The following CELF1 variants were observed in gnomAD, a reference collection of about 807,000 sequenced individuals.
CELF1 encodes CUGBP Elav-like family member 1.
Under a neutral mutation model 61.8 loss-of-function variants are expected in CELF1, and 10 were observed. That is an observed-to-expected ratio of 0.16 (90% confidence interval 0.10 to 0.27). The LOEUF (loss-of-function observed/expected upper bound fraction) is 0.27. Among genes scored for constraint, CELF1 ranks in the 10% least tolerant of loss-of-function variants. The pLI is 1.00. For synonymous variants in CELF1, 236 were observed against 225.1 expected, an observed-to-expected ratio of 1.05 and a Z score of -0.43; for missense variants, 380 against 639.1, an observed-to-expected ratio of 0.59 and a Z score of 4.37.
At position 47,499,594 on chromosome 11, in the gene CELF1, G is replaced by C; in HGVS notation, c.-71C>G. 8.0e-7 allele frequency: 1 copy of C among 1,255,832 alleles called. No homozygotes were observed. The allele number at this position is 1,255,832 out of a possible 1,614,324, so 77.8% of individuals were successfully genotyped here. A position where few individuals can be genotyped will look rare whatever the true frequency, so the allele number is the denominator to read the frequency against. ...CTTGTCTGATCCACAAATACACACAGCTTTAGCTTCCTGGGCCCCACAAAA... is the reference window on the plus strand; with the variant it reads ...CTTGTCTGATCCACAAATACACACACCTTTAGCTTCCTGGGCCCCACAAAA... On this transcript the variant is annotated 5_prime_UTR_variant, in exon 3 of 15. Transcript: ENST00000687097.
chr11:47,505,936 C>CAAA (rs71457222), intron 1 of CELF1, among the ~76,000 whole-genome samples: 4 of 103,362 alleles, frequency 3.9e-5, no homozygotes, highest in Non-Finnish European at 7.8e-5. Context: ...ACTCTGTCTC[C>CAAA]AAAAAAAAAA....
chr11:47,515,456 G>A (rs558549263), intron 1 of CELF1, among the ~76,000 whole-genome samples: 1 of 152,210 alleles, frequency 6.6e-6, no homozygotes, highest in East Asian at 1.9e-4. Flanking sequence ...TCACTGCCCT[G>A]CCATGAGGCC....
chr11:47,476,678 G>C (rs2080336628), intron 12 of CELF1, among the ~76,000 whole-genome samples, 168 bp downstream of exon 12: 1 of 152,114 alleles, frequency 6.6e-6, no homozygotes, highest in South Asian at 2.1e-4. Context: ...CGCCCACCTT[G>C]ACCTCCCAAA....
intron 1 of CELF1, among the ~76,000 whole-genome samples, chr11:47,520,677 C>T (rs937877502): frequency 6.6e-5 from 10 of 152,074 alleles, no homozygotes; most frequent in African/African-American, 9.7e-5. Context: ...CTGGGCATGG[C>T]GGCATGTGCC....
chr11:47,530,200 A>G (rs1401127019), intron 1 of CELF1, among the ~76,000 whole-genome samples: 2 of 152,212 alleles, frequency 1.3e-5, no homozygotes, highest in East Asian at 3.8e-4. Flanking sequence ...TAACTTTAAA[A>G]TCTTCCACAT....
At position 47,553,117 on chromosome 11, in the gene CELF1, C is replaced by A; in HGVS notation, c.-279G>T. On this transcript the variant is annotated 5_prime_UTR_variant, in exon 1 of 15. Transcript: ENST00000687097. The stretch of plus-strand genomic sequence containing the variant: ...CGCGTCCCGCCGCCGCTGCCGCTGC[C>A]GCCAGAGCAGAACACCCCAAAATGG... 1 of 398,060 alleles carries A rather than the reference C, an allele frequency of 2.5e-6. No individual in the cohort carries two copies. Among genetic ancestry groups the A allele is most frequent in the Admixed American group, 4.4e-5 (1 of 22,662 alleles). 24.7% of individuals were successfully genotyped at this position (398,060 alleles called of 1,614,324 possible). A position where few individuals can be genotyped will look rare whatever the true frequency, so the allele number is the denominator to read the frequency against.
At chr11:47,553,363 G>A (rs994368172), upstream of CELF1, among the ~76,000 whole-genome samples, 3 of 152,156 alleles carry the variant, frequency 2.0e-5, no homozygotes, top group African/African-American at 7.2e-5. Flanking sequence ...CTCAACCTAG[G>A]GAGCTGCAGG....
chr11:47,487,306 C>T, intron 4 of CELF1, 65 bp from the exon 5 acceptor site: 2 of 1,198,764 alleles, frequency 1.7e-6, no homozygotes, highest in South Asian at 2.5e-5. Flanking sequence ...AGCAATCCTT[C>T]CTCCACTGAC....
intron 6 of CELF1, among the ~76,000 whole-genome samples, chr11:47,485,100 A>G (rs2085910539): frequency 6.6e-6 from 1 of 152,228 alleles, no homozygotes; most frequent in Admixed American, 6.5e-5. Flanking sequence ...TCCTCATCTA[A>G]CTAATAGGAA....
At position 47,467,732 on chromosome 11, in the gene CELF1, T is replaced by G. The variant is rs566829188; in HGVS notation, c.*4498A>C. The stretch of plus-strand genomic sequence containing the variant: ...CTCCAGGCCCCCTTCCCACCCTCTC[T>G]GAGCAAAGCAGCCAGCCTCCCGGAA... On this transcript the variant is annotated 3_prime_UTR_variant, in exon 15 of 15. Transcript: ENST00000687097. 6.6e-6 allele frequency: 1 copy of G among 152,428 alleles called. No homozygotes were observed. The highest frequency in any genetic ancestry group is 1.9e-4 in the East Asian group (1 of 5,184). 9.4% of individuals were successfully genotyped at this position (152,428 alleles called of 1,614,324 possible). A position where few individuals can be genotyped will look rare whatever the true frequency, so the allele number is the denominator to read the frequency against.
At chr11:47,483,170 AG>A (rs942311597) in intron 8 of CELF1, among the ~76,000 whole-genome samples, 11 of 152,170 alleles carry the variant, frequency 7.2e-5, no homozygotes, top group African/African-American at 2.6e-4. Context: ...TGGCAGAGGT[AG>A]GGGGGATCAC....
chr11:47,540,335 T>C (rs1205518139), intron 1 of CELF1, among the ~76,000 whole-genome samples: 1 of 152,222 alleles, frequency 6.6e-6, no homozygotes, highest in Non-Finnish European at 1.5e-5. Flanking sequence ...TCTGCTCCTC[T>C]TGCTCTAGCC....
chr11:47,473,938 A>G (rs1189371181), intron 13 of CELF1, among the ~76,000 whole-genome samples: 1 of 151,550 alleles, frequency 6.6e-6, no homozygotes, highest in Non-Finnish European at 1.5e-5. Context: ...ATAGAGGCTC[A>G]CTCTGTTGCC....
chr11:47,530,935 G>A (rs946035018), intron 1 of CELF1, among the ~76,000 whole-genome samples: 3 of 151,870 alleles, frequency 2.0e-5, no homozygotes, highest in Non-Finnish European at 2.9e-5. Flanking sequence ...AAGCCTGGGC[G>A]ACAAAGGAAC....
intron 1 of CELF1, among the ~76,000 whole-genome samples, chr11:47,521,226 T>TG (rs1405127125): frequency 1.3e-5 from 2 of 152,218 alleles, no homozygotes; most frequent in African/African-American, 4.8e-5. Context: ...CACTCCAGCC[T>TG]GGGCGACTGA....
chr11:47,481,096 C>CTTTTT (rs2082869074), intron 9 of CELF1, among the ~76,000 whole-genome samples: 2 of 57,624 alleles, frequency 3.5e-5, no homozygotes, highest in South Asian at 7.0e-4. Context: ...TTTTTTTTTT[C>CTTTTT]TTCTTCTTTT....
chr11:47,540,575 T>C (rs931434777), intron 1 of CELF1, among the ~76,000 whole-genome samples: 9 of 152,076 alleles, frequency 5.9e-5, no homozygotes, highest in Non-Finnish European at 1.2e-4. Context: ...AGACTCTTGC[T>C]CAGAGAGCAC....
intron 1 of CELF1, among the ~76,000 whole-genome samples, chr11:47,519,508 TAAA>T (rs1454388005): frequency 6.6e-6 from 1 of 150,606 alleles, no homozygotes; most frequent in Admixed American, 6.6e-5. Context: ...AATAAATAAA[TAAA>T]TAAATAAATA....
intron 1 of CELF1, among the ~76,000 whole-genome samples, chr11:47,541,793 C>G (rs11039282): frequency 2.2e-4 from 3 of 13,824 alleles, no homozygotes; most frequent in African/African-American, 4.1e-4. Context: ...AAAGAAAGAA[C>G]GAAAGAAAGA....
Sources: gnomAD v4.1 joint callset for allele counts (sites outside exome capture counted in the v4.1 genomes callset) on GRCh38, gnomAD v4.1.1 for gene constraint, MANE v1.5 for transcripts, NCBI Gene and HGNC (gene_info 2026-07-23, HGNC 2026-07-21) for gene names.